The following CNTNAP2 variants were observed in gnomAD, a reference collection of about 807,000 sequenced individuals.
CNTNAP2 encodes contactin-associated protein-like 2.
A neutral mutation model predicts 155.2 loss-of-function variants in CNTNAP2; 98 were observed. The ratio of observed to expected loss-of-function variants is 0.63; its 90% CI spans 0.54 to 0.75. CNTNAP2 has a LOEUF of 0.75. Among genes scored for constraint, CNTNAP2 ranks in the 30% least tolerant of loss-of-function variants. The pLI, the probability that CNTNAP2 is intolerant of heterozygous loss-of-function variation, is 0.00. For missense variants in CNTNAP2, 1,727 were observed against 1,688.1 expected (o/e 1.02, Z -0.40); for synonymous variants, 651 against 631.2 (o/e 1.03, Z -0.47).
chr7:147,899,098 G>A (rs954439797), intron 13 of CNTNAP2, among the ~76,000 whole-genome samples: 8 of 152,138 alleles, frequency 5.3e-5, no homozygotes, highest in African/African-American at 1.9e-4. Flanking sequence ...CCAGCACTTT[G>A]AGAGGCAGAA....
chr7:146,473,659 G>C (rs1268788665), intron 1 of CNTNAP2, among the ~76,000 whole-genome samples: 5 of 152,066 alleles, frequency 3.3e-5, no homozygotes, highest in African/African-American at 1.2e-4. Context: ...CTTCTATTCA[G>C]TTTATGTTCT....
Position 148,182,577 on chromosome 7 carries a change from A to G in CNTNAP2, c.3010+10099A>G, listed in dbSNP as rs1795057009. ...TTCTTAAATAATCAAGCCTGAGACT[A>G]TAATGCTATAGCCTACCCATTTTAT... On this transcript the variant is annotated intron_variant, in intron 18 of 23. Transcript: ENST00000361727. 1.3e-5 allele frequency among the ~76,000 whole-genome samples: 2 copies of G among 152,240 alleles called. 1 individual carries two copies. The highest frequency in any genetic ancestry group is 4.1e-4 in the South Asian group (2 of 4,828).
intron 15 of CNTNAP2, among the ~76,000 whole-genome samples, chr7:148,091,306 T>C (rs1480864079): frequency 6.6e-6 from 1 of 152,234 alleles, no homozygotes; most frequent in African/African-American, 2.4e-5. Context: ...GTACTGTGTA[T>C]GTACATGTGT....
intron 18 of CNTNAP2, among the ~76,000 whole-genome samples, chr7:148,179,540 T>TGAGAGAGG (rs1291819719): frequency 2.3e-5 from 3 of 131,024 alleles, no homozygotes; most frequent in Non-Finnish European, 3.3e-5. Flanking sequence ...AGAGAGGGAG[T>TGAGAGAGG]GAGAGAGGGA....
In CNTNAP2 at chr7:146,185,525, A is replaced by T. The variant is rs903206820; in HGVS notation, c.97+68552A>T. Among the ~76,000 whole-genome samples, 10 of 152,300 alleles carry T rather than the reference A, an allele frequency of 6.6e-5. No homozygotes were observed. In the East Asian group the frequency reaches 1.9e-3, roughly 29 times the overall value. On this transcript the variant is annotated intron_variant, in intron 1 of 23. Coordinates refer to ENST00000361727, the MANE Select transcript of CNTNAP2 (RefSeq NM_014141.6). ...CAGGAGCTAGATGGAACTCTCTGTA[A>T]ATTTTAATGTTAACTTCTGTACTGT...
chr7:147,095,556 A>G (rs1364669709), intron 4 of CNTNAP2, among the ~76,000 whole-genome samples: 1 of 151,856 alleles, frequency 6.6e-6, no homozygotes, highest in African/African-American at 2.4e-5. Flanking sequence ...AGTAAGTTCT[A>G]TTTCAAATCT....
intron 15 of CNTNAP2, among the ~76,000 whole-genome samples, chr7:148,001,907 A>T (rs1312444323): frequency 6.6e-6 from 1 of 152,222 alleles, no homozygotes; most frequent in South Asian, 2.1e-4. Flanking sequence ...AAGCTTAATT[A>T]TTCATCAATT....
At chr7:148,206,986 A>G (rs1197851919) in intron 18 of CNTNAP2, among the ~76,000 whole-genome samples, 1 of 150,594 alleles carries the variant, frequency 6.6e-6, no homozygotes, top group Non-Finnish European at 1.5e-5. Context: ...ATTTCTACAC[A>G]CTCTCCTTCT....
chr7:146,296,396 G>A (rs10276235), intron 1 of CNTNAP2, among the ~76,000 whole-genome samples: 10,680 of 152,100 alleles, frequency 0.07, 1,061 homozygotes, highest in African/African-American at 0.22. Flanking sequence ...TCCTTTGGCT[G>A]CCCTGCAATG....
intron 1 of CNTNAP2, among the ~76,000 whole-genome samples, chr7:146,486,112 T>G (rs535400084): frequency 8.2e-6 from 1 of 122,656 alleles, no homozygotes; most frequent in Non-Finnish European, 1.6e-5. Flanking sequence ...TCGCCCAGGC[T>G]GGAGTGCAGT....
intron 1 of CNTNAP2, among the ~76,000 whole-genome samples, chr7:146,320,192 TAATA>T (rs1490387264): frequency 6.6e-6 from 1 of 152,170 alleles, no homozygotes; most frequent in African/African-American, 2.4e-5. Context: ...ATTTTTGTAA[TAATA>T]AATCATCATA....
intron 21 of CNTNAP2, among the ~76,000 whole-genome samples, chr7:148,286,833 CAG>C (rs1797092662): frequency 6.6e-6 from 1 of 152,192 alleles, no homozygotes; most frequent in South Asian, 2.1e-4. Context: ...GCAAAAAGTA[CAG>C]AGAGTTTCCA....
At chr7:147,097,100 C>G (rs1800551600) in intron 4 of CNTNAP2, among the ~76,000 whole-genome samples, 1 of 152,204 alleles carries the variant, frequency 6.6e-6, no homozygotes, top group South Asian at 2.1e-4. Context: ...ATGTCCCAAT[C>G]TCTCACAAAT....
At chr7:147,986,899 GT>G (rs58652987) in intron 15 of CNTNAP2, among the ~76,000 whole-genome samples, 1 of 141,448 alleles carries the variant, frequency 7.1e-6, no homozygotes, top group Non-Finnish European at 1.5e-5. Flanking sequence ...GTGTGTGTGT[GT>G]GGTTGGTTTT....
At position 146,548,907 on chromosome 7, in the gene CNTNAP2, G is replaced by T. The variant is rs182072232; in HGVS notation, c.98-225364G>T. Among the ~76,000 whole-genome samples the T allele has an allele frequency of 1.1e-4, 17 of 150,938 alleles. No individual in the cohort carries two copies. The East Asian group carries it at 2.2e-3, about 19-fold the overall frequency. Reference sequence around the variant, plus strand: ...TTTGGTTATGTTGTCTGTGCTTTAGGTGTCAGAGTCATGAAATTATTGCCA... The same window carrying T: ...TTTGGTTATGTTGTCTGTGCTTTAGTTGTCAGAGTCATGAAATTATTGCCA... On this transcript the variant is annotated intron_variant, in intron 1 of 23. Transcript: ENST00000361727.
At chr7:147,208,863 A>T (rs1803076406) in intron 8 of CNTNAP2, among the ~76,000 whole-genome samples, 1 of 152,028 alleles carries the variant, frequency 6.6e-6, no homozygotes, top group Non-Finnish European at 1.5e-5. Context: ...ACATTAAAGA[A>T]AATAATAAAC....
chr7:148,380,629 G>A (rs994495654), intron 21 of CNTNAP2, among the ~76,000 whole-genome samples: 1 of 81,048 alleles, frequency 1.2e-5, no homozygotes, highest in Non-Finnish European at 3.2e-5. Context: ...CAAAATATTT[G>A]ACTTCTTTTT....
intron 10 of CNTNAP2, among the ~76,000 whole-genome samples, chr7:147,396,121 A>C (rs1796810519): frequency 6.8e-6 from 1 of 147,962 alleles, no homozygotes; most frequent in Non-Finnish European, 1.5e-5. Flanking sequence ...TATATGAGAT[A>C]TATTGTATAT....
intron 3 of CNTNAP2, among the ~76,000 whole-genome samples, chr7:147,033,190 A>ATATATATATATATATATATATATATATG (rs1554427723): frequency 1.1e-5 from 1 of 92,476 alleles, no homozygotes; most frequent in Non-Finnish European, 2.3e-5. Flanking sequence ...ATATATATAT[A>ATATATATATATATATATATATATATATG]TATATATATA....
Sources: allele counts gnomAD v4.1 joint callset (sites outside exome capture counted in the v4.1 genomes callset), GRCh38; gene constraint gnomAD v4.1.1; transcripts MANE v1.5; gene names NCBI Gene and HGNC (gene_info 2026-07-23, HGNC 2026-07-21).